Variants in ZNF573 observed in about 807,000 individuals in gnomAD.
ZNF573 encodes the protein zinc finger protein 573.
In ZNF573, 41 loss-of-function variants were observed where a neutral mutation model predicts 57.4. That is an observed-to-expected ratio of 0.71 (90% CI 0.56 to 0.93). The LOEUF (loss-of-function observed/expected upper bound fraction) is 0.93. Among genes scored for constraint, ZNF573 ranks in the 40% least tolerant of loss-of-function variants. The pLI is 0.00. For synonymous variants in ZNF573, 249 were observed against 261.0 expected (o/e 0.95, Z 0.44); for missense variants, 730 against 794.8 (o/e 0.92, Z 0.98).
At position 37,743,510 on chromosome 19, in the gene ZNF573, G is replaced by C. The variant is rs557222661; in HGVS notation, c.296-3316C>G. ...AACAATAGATGCTGGTGAGGCTGTG[G>C]AGAAATAGGAATACTTTTATACTGT... is the stretch of plus-strand genomic sequence containing the variant. On this transcript the variant is annotated intron_variant, in intron 4 of 4. Transcript: ENST00000536220. Among the ~76,000 whole-genome samples the C allele has an allele frequency of 3.9e-5, 6 of 152,228 alleles. No homozygotes were observed. The South Asian group carries it at 1.2e-3, about 32-fold the overall frequency.
intron 4 of ZNF573, among the ~76,000 whole-genome samples, chr19:37,769,398 ACAGTT>A (rs2045632864): frequency 6.6e-6 from 1 of 151,952 alleles, no homozygotes; most frequent in African/African-American, 2.4e-5. Flanking sequence ...AGCTGGAAAA[ACAGTT>A]GAGTCCAAAA....
At chr19:37,758,202 AATATATATATATAT>A (rs550290940) in intron 4 of ZNF573, among the ~76,000 whole-genome samples, 80 of 17,154 alleles carry the variant, frequency 4.7e-3, no homozygotes, top group African/African-American at 8.4e-3. Flanking sequence ...AGTATAATAA[AATATATATATATAT>A]ATATATATAT....
intron 2 of ZNF573, among the ~76,000 whole-genome samples, chr19:37,772,672 T>C (rs1445119451): frequency 3.3e-5 from 5 of 151,824 alleles, no homozygotes; most frequent in Admixed American, 3.3e-4. Flanking sequence ...CTCACTCTGT[T>C]GCCCAGGCTG....
At chr19:37,753,440 G>A (rs1468252126) in intron 4 of ZNF573, among the ~76,000 whole-genome samples, 1 of 151,654 alleles carries the variant, frequency 6.6e-6, no homozygotes, top group African/African-American at 2.4e-5. Flanking sequence ...TCACTTTGTT[G>A]CGCTATCAAA....
Position 37,739,604 on chromosome 19 carries a change from G to C in ZNF573, c.886C>G (p.His296Asp). The change falls in exon 5 of 5, where the codon CAT becomes GAT. Residue 296 changes from histidine to aspartate, a missense_variant. By Grantham distance (81) the His-to-Asp change is moderately conservative. Coordinates refer to ENST00000536220, the MANE Select transcript of ZNF573 (RefSeq NM_001172690.2). Reference sequence around the variant, plus strand: ...CATATGTATGGCTTCTCATCAGTATGAAACTGCCCATGTTCAACAAGATTT... The same window carrying C: ...CATATGTATGGCTTCTCATCAGTATCAAACTGCCCATGTTCAACAAGATTT... ...RSNLVEHGQF[H>D]TDEKPYICEK... The C allele has an allele frequency of 6.2e-7, 1 of 1,613,992 alleles. No homozygotes were observed. The highest frequency in any genetic ancestry group is 8.5e-7 in the Non-Finnish European group (1 of 1,180,012).
intron 2 of ZNF573, 63 bp from the exon 3 acceptor site, chr19:37,771,759 A>C (rs1055789221): frequency 2.0e-6 from 3 of 1,523,054 alleles, no homozygotes; most frequent in Non-Finnish European, 2.6e-6. Flanking sequence ...AGGAGATTAC[A>C]AGAGCACATT....
At chr19:37,742,968 C>G (rs925824393) in intron 4 of ZNF573, among the ~76,000 whole-genome samples, 2 of 152,172 alleles carry the variant, frequency 1.3e-5, no homozygotes, top group African/African-American at 4.8e-5. Context: ...AACAAATTTA[C>G]AAGTAAAAAC....
At chr19:37,765,016 C>T (rs530300415) in intron 4 of ZNF573, among the ~76,000 whole-genome samples, 1 of 150,700 alleles carries the variant, frequency 6.6e-6, no homozygotes, top group African/African-American at 2.4e-5. Context: ...AGTGATTCTC[C>T]TGCATCAGCC....
chr19:37,778,949 T>C (rs1478895503), intron 1 of ZNF573, among the ~76,000 whole-genome samples: 1 of 152,090 alleles, frequency 6.6e-6, no homozygotes, highest in Non-Finnish European at 1.5e-5. Context: ...CACAAAGAAA[T>C]AACCTCCCAG....
intron 4 of ZNF573, 124 bp from the exon 5 acceptor site, chr19:37,740,318 T>C: frequency 1.1e-6 from 1 of 925,946 alleles, no homozygotes; most frequent in Non-Finnish European, 1.6e-6. Flanking sequence ...AAAAATATGG[T>C]TACGAAATTT....
intron 1 of ZNF573, among the ~76,000 whole-genome samples, chr19:37,778,972 TCA>T (rs2145345141): frequency 6.6e-6 from 1 of 152,230 alleles, no homozygotes; most frequent in African/African-American, 2.4e-5. Context: ...GTTTCCAATC[TCA>T]CAGCAAGTCA....
At position 37,758,845 on chromosome 19, in the gene ZNF573, A is replaced by T. The variant is rs147054384; in HGVS notation, c.295+11160T>A. Among the ~76,000 whole-genome samples, 100 of 152,292 alleles carry T rather than the reference A, an allele frequency of 6.6e-4. 3 individuals are homozygous for T. The East Asian group carries it at 0.019, about 28-fold the overall frequency. On this transcript the variant is annotated intron_variant, in intron 4 of 4. Transcript: ENST00000536220. ...AAAATATCGTTAAATATAGAAAAATAAATATTTTGAAATATCATAAACATA... is the reference window on the plus strand; with the variant it reads ...AAAATATCGTTAAATATAGAAAAATTAATATTTTGAAATATCATAAACATA...
At chr19:37,744,773 AAAG>A (rs1208865147) in intron 4 of ZNF573, among the ~76,000 whole-genome samples, 3 of 151,506 alleles carry the variant, frequency 2.0e-5, no homozygotes, top group Admixed American at 6.6e-5. Context: ...AAAAAAGAAA[AAAG>A]AAAAAGAAAA....
At position 37,771,626 on chromosome 19, in the gene ZNF573, G is replaced by A; in HGVS notation, c.140C>T (p.Pro47Leu). Residue 47 changes from proline to leucine, a missense_variant, in exon 3 of 5, where the codon CCT becomes CTT. Transcript: ENST00000536220. Reference sequence around the variant, plus strand: ...ATCCCTGTATAAGTCCCTCTGATTAGGGTCCAGGTATTCCCACTCCTGCCG... The same window carrying A: ...ATCCCTGTATAAGTCCCTCTGATTAAGGTCCAGGTATTCCCACTCCTGCCG... ...FSRQEWEYLD[P>L]NQRDLYRDVM... 6.2e-7 allele frequency: 1 copy of A among 1,603,494 alleles called. No homozygotes were observed. The highest frequency in any genetic ancestry group is 8.5e-7 in the Non-Finnish European group (1 of 1,176,460).
chr19:37,764,824 C>T (rs1430428153), intron 4 of ZNF573, among the ~76,000 whole-genome samples: 5 of 151,274 alleles, frequency 3.3e-5, no homozygotes, highest in African/African-American at 9.7e-5. Flanking sequence ...AGGATGGTCT[C>T]GATCTCCTGA....
intron 3 of ZNF573, among the ~76,000 whole-genome samples, chr19:37,770,846 ATATATAT>A (rs916570672): frequency 1.1e-4 from 6 of 54,840 alleles, no homozygotes; most frequent in African/African-American, 3.3e-4. Context: ...ATATATATAT[ATATATAT>A]ATATATATAT....
intron 4 of ZNF573, among the ~76,000 whole-genome samples, chr19:37,760,920 G>A (rs969030581): frequency 6.7e-6 from 1 of 150,284 alleles, no homozygotes; most frequent in Non-Finnish European, 1.5e-5. Flanking sequence ...CAAGCAGGCC[G>A]GGCGCAGTGG....
intron 4 of ZNF573, among the ~76,000 whole-genome samples, chr19:37,751,614 T>G (rs924869790): frequency 1.8e-5 from 2 of 114,100 alleles, no homozygotes; most frequent in African/African-American, 6.9e-5. Context: ...ACTGTGTATA[T>G]ATACAGTATA....
chr19:37,770,860 AT>A (rs2045651950), intron 3 of ZNF573, among the ~76,000 whole-genome samples: 1 of 101,094 alleles, frequency 9.9e-6, no homozygotes, highest in Admixed American at 1.0e-4. Flanking sequence ...ATATATATAT[AT>A]ATATATATAT....
Sources: gnomAD v4.1 joint callset for allele counts (sites outside exome capture counted in the v4.1 genomes callset) on GRCh38, gnomAD v4.1.1 for gene constraint, MANE v1.5 for transcripts, NCBI Gene and HGNC (gene_info 2026-07-23, HGNC 2026-07-21) for gene names.